The following CLTC variants were observed in gnomAD, a reference collection of about 807,000 sequenced individuals.
The protein encoded by CLTC is clathrin heavy chain 1.
Under a neutral mutation model 195.8 loss-of-function variants are expected in CLTC, and 16 were observed. The ratio of observed to expected loss-of-function variants is 0.08; its 90% CI spans 0.06 to 0.12. The LOEUF is 0.12. Ranked by LOEUF, CLTC falls within the 10% of genes least tolerant of loss-of-function variation. The pLI, the probability that CLTC is intolerant of heterozygous loss-of-function variation, is 1.00. For missense variants in CLTC, 796 were observed against 2,027.0 expected (o/e 0.39, Z 11.66); for synonymous variants, 667 against 689.4 (o/e 0.97, Z 0.51).
chr17:59,654,845 C>A (rs1202265611), intron 5 of CLTC, among the ~76,000 whole-genome samples: 2 of 152,170 alleles, frequency 1.3e-5, no homozygotes, highest in African/African-American at 4.8e-5. Context: ...AAAGTAGAAT[C>A]GTTTTATTTC....
rs771395963 is a variant in CLTC at position 59,685,554 on chromosome 17, A to G, written c.4606-33A>G. 4.5e-6 allele frequency: 7 copies of G among 1,547,298 alleles called. No individual in the cohort carries two copies. The Admixed American group carries it at 5.1e-5, about 11-fold the overall frequency. On this transcript the variant is annotated intron_variant, in intron 29 of 31. Transcript: ENST00000269122. This position sits in a 1 kb window ranked among gnomAD's most constrained non-coding sequence, Gnocchi z 5.0. ...TTTACTAGTTCAGTATGTGGGGTCT[A>G]ATGTTTTTGACTTTCACTATTTCTT...
At chr17:59,652,797 A>G (rs563619412) in intron 5 of CLTC, among the ~76,000 whole-genome samples, 5 of 152,310 alleles carry the variant, frequency 3.3e-5, no homozygotes, top group Non-Finnish European at 7.3e-5. Flanking sequence ...CATTGGCTTC[A>G]CCTTAAAGTC....
intron 4 of CLTC, among the ~76,000 whole-genome samples, chr17:59,650,424 C>G (rs2032299923): frequency 6.7e-6 from 1 of 148,394 alleles, no homozygotes; most frequent in African/African-American, 2.5e-5. Context: ...TATTACCCTT[C>G]TATACCATTT....
intron 5 of CLTC, 128 bp from the exon 6 acceptor site, chr17:59,655,726 C>A: frequency 1.5e-6 from 1 of 653,032 alleles, no homozygotes; most frequent in Non-Finnish European, 2.4e-6. Flanking sequence ...TAAATATTAG[C>A]TTATAATTTT....
chr17:59,636,682 T>C (rs1265223088), intron 1 of CLTC, among the ~76,000 whole-genome samples: 8 of 152,174 alleles, frequency 5.3e-5, no homozygotes, highest in Admixed American at 2.6e-4. Context: ...TTTCTTTTGC[T>C]TAAACATTTT....
At chr17:59,661,762 A>C in intron 8 of CLTC, 119 bp downstream of exon 8, 1 of 817,874 alleles carries the variant, frequency 1.2e-6, no homozygotes, top group South Asian at 1.6e-5. Context: ...AACAGAACAA[A>C]AACACACATT....
In CLTC at chr17:59,684,815, AG is replaced by A. The variant is rs199533914; in HGVS notation, c.4435-240del. ...GAGGGAGACTCCATCTCAAAAAAAA[AG>A]AAAAAAATCTTGCCCTCCAAATTAG... On this transcript the variant is annotated intron_variant, in intron 28 of 31. Transcript: ENST00000269122. Among the ~76,000 whole-genome samples, 26 of 151,380 alleles carry A rather than the reference AG, an allele frequency of 1.7e-4. 3 individuals carry two copies. The highest frequency in any genetic ancestry group is 4.1e-4 in the African/African-American group (17 of 41,160).
In CLTC at chr17:59,695,847, A is replaced by G. The variant is rs544153608; in HGVS notation, c.*1995A>G. 1 of 190,736 alleles carries G rather than the reference A, an allele frequency of 5.2e-6. No individual in the cohort carries two copies. Among genetic ancestry groups the G allele is most frequent in the African/African-American group, 2.3e-5 (1 of 43,052 alleles). 11.8% of individuals were successfully genotyped at this position (190,736 alleles called of 1,614,324 possible). The stretch of plus-strand genomic sequence containing the variant: ...TATCAACACAGAGAAAAAAAAAATA[A>G]TAATAGTATTATGAAAACATTGACT... On this transcript the variant is annotated 3_prime_UTR_variant, in exon 32 of 32. Coordinates refer to ENST00000269122, the MANE Select transcript of CLTC (RefSeq NM_004859.4).
At position 59,682,333 on chromosome 17, in the gene CLTC, G is replaced by A. The variant is rs747483150; in HGVS notation, c.3505G>A (p.Val1169Met). 6.2e-7 allele frequency: 1 copy of A among 1,614,186 alleles called. No individual in the cohort carries two copies. The highest frequency in any genetic ancestry group is 8.5e-7 in the Non-Finnish European group (1 of 1,180,004). ...MARKKARESY[V>M]ETELIFALAK... ...CCGTAAGAAGGCTCGAGAGTCCTATGTGGAGACAGAACTGATATTCGCACT... is the reference window on the plus strand; with the variant it reads ...CCGTAAGAAGGCTCGAGAGTCCTATATGGAGACAGAACTGATATTCGCACT... Residue 1169 changes from valine (V) to methionine (M), a missense_variant, in exon 22 of 32, where the codon GTG (valine) becomes ATG (methionine). Around this residue, in one of 9 missense-constraint regions of CLTC, gnomAD observed 50 missense variants for 77.2 expected, o/e 0.65. Transcript: ENST00000269122. This position sits in a 1 kb window ranked among gnomAD's most constrained non-coding sequence, Gnocchi z 6.8.
At chr17:59,661,327 T>C (rs1373675386) in intron 7 of CLTC, 116 bp from the exon 8 acceptor site, 1 of 757,492 alleles carries the variant, frequency 1.3e-6, no homozygotes, top group African/African-American at 1.7e-5. Context: ...AAGATTGACC[T>C]AAGAGATTGA....
Position 59,620,284 on chromosome 17 carries a change from C to T in CLTC, c.42+111C>T, listed in dbSNP as rs2031326518. The T allele has an allele frequency of 2.1e-5, 22 of 1,051,758 alleles. No homozygotes were observed. The South Asian group carries it at 2.3e-4, about 11-fold the overall frequency. The allele number at this position is 1,051,758 out of a possible 1,614,324, so 65.2% of individuals were successfully genotyped here. A position where few individuals can be genotyped will look rare whatever the true frequency, so the allele number is the denominator to read the frequency against. Reference sequence around the variant, plus strand: ...GGAGCTGGAGGGGCGGGGGGGTTGTCGGTGATTGGGGTAGGTGGAGGAGGG... The same window carrying T: ...GGAGCTGGAGGGGCGGGGGGGTTGTTGGTGATTGGGGTAGGTGGAGGAGGG... On this transcript the variant is annotated intron_variant, in intron 1 of 31. Transcript: ENST00000269122.
intron 2 of CLTC, among the ~76,000 whole-genome samples, chr17:59,646,519 G>T (rs1035602760): frequency 2.0e-5 from 3 of 151,654 alleles, no homozygotes; most frequent in African/African-American, 7.3e-5. Flanking sequence ...GATTCTCTGT[G>T]TCTCAGGAAT....
At position 59,685,046 on chromosome 17, in the gene CLTC, T is replaced by G. The variant is rs202245909; in HGVS notation, c.4435-10T>G. On this transcript the variant is annotated splice_polypyrimidine_tract_variant and intron_variant, in intron 28 of 31. Coordinates refer to ENST00000269122, the MANE Select transcript of CLTC (RefSeq NM_004859.4). This position sits in a 1 kb window ranked among gnomAD's most constrained non-coding sequence, Gnocchi z 5.0. ...CTGATCTGGCATTTGGATGGCTTTT[T>G]TTTTTTAAGGCTCTGCGAACATCAA... 2.0e-6 allele frequency: 3 copies of G among 1,502,598 alleles called. No homozygotes were observed. Among genetic ancestry groups the G allele is most frequent in the Non-Finnish European group, 1.8e-6 (2 of 1,116,608 alleles). The allele number at this position is 1,502,598 out of a possible 1,614,324, so 93.1% of individuals were successfully genotyped here.
chr17:59,690,514 GTTCT>G, intron 30 of CLTC, 118 bp from the exon 31 acceptor site: 1 of 646,974 alleles, frequency 1.5e-6, no homozygotes, highest in Non-Finnish European at 2.7e-6. Context: ...GACTGAGAAT[GTTCT>G]TTCTAGTCTG....
chr17:59,656,304 G>C (rs979667141), intron 6 of CLTC: 1 of 288,958 alleles, frequency 3.5e-6, no homozygotes, highest in South Asian at 3.9e-5. Flanking sequence ...AGAGAAACTG[G>C]TTTATAGCCA....
chr17:59,690,376 A>G, intron 30 of CLTC: 1 of 350,980 alleles, frequency 2.8e-6, no homozygotes, highest in East Asian at 4.6e-5. Flanking sequence ...GCTGCATCCT[A>G]GCATGCCCAG....
At chr17:59,653,757 C>T (rs1322923829) in intron 5 of CLTC, among the ~76,000 whole-genome samples, 2 of 151,868 alleles carry the variant, frequency 1.3e-5, no homozygotes, top group African/African-American at 4.8e-5. Context: ...GACAATGTCT[C>T]ACTGTGTTGC....
chr17:59,688,297 G>A (rs1280652710), intron 30 of CLTC, among the ~76,000 whole-genome samples: 1 of 151,988 alleles, frequency 6.6e-6, no homozygotes, highest in East Asian at 1.9e-4. Context: ...TTTTTTTCAT[G>A]CACACATACA....
chr17:59,654,257 C>T (rs1436970359), intron 5 of CLTC, among the ~76,000 whole-genome samples: 1 of 151,462 alleles, frequency 6.6e-6, no homozygotes, highest in East Asian at 1.9e-4. Context: ...CTCACTGCAC[C>T]CTCCACGTCT....
Sources: gnomAD v4.1 joint callset for allele counts (sites outside exome capture counted in the v4.1 genomes callset) on GRCh38, gnomAD v4.1.1 for gene constraint, gnomAD v4.1.1 regional missense constraint, Gnocchi (gnomAD v3.1) non-coding constraint, MANE v1.5 for transcripts, NCBI Gene and HGNC (gene_info 2026-07-23, HGNC 2026-07-21) for gene names.